PIK3R1: variants seen among roughly 807,000 people sequenced by gnomAD.
PIK3R1 encodes the protein phosphatidylinositol 3-kinase regulatory subunit alpha.
PIK3R1 carries 29 observed loss-of-function variants against 98.0 expected under a neutral mutation model. The observed-to-expected ratio is 0.30, with a 90% CI of 0.22 to 0.40. The LOEUF (loss-of-function observed/expected upper bound fraction) is 0.40. Among genes scored for constraint, PIK3R1 ranks in the 10% least tolerant of loss-of-function variants. PIK3R1 has a pLI of 1.00. For missense variants in PIK3R1, 596 were observed against 872.7 expected, an observed-to-expected ratio of 0.68 and a Z score of 3.99; for synonymous variants, 282 against 311.8, an observed-to-expected ratio of 0.90 and a Z score of 1.01.
chr5:68,286,718 A>T (rs1207607013), intron 7 of PIK3R1, among the ~76,000 whole-genome samples: 1 of 152,234 alleles, frequency 6.6e-6, no homozygotes, highest in East Asian at 1.9e-4. Context: ...ACTGCTTTCC[A>T]GTGGCTTATT....
intron 2 of PIK3R1, among the ~76,000 whole-genome samples, chr5:68,257,542 T>G (rs1745567982): frequency 6.6e-6 from 1 of 152,204 alleles, no homozygotes; most frequent in African/African-American, 2.4e-5. Context: ...CACTTTGAAT[T>G]TATTATGTTC....
intron 2 of PIK3R1, among the ~76,000 whole-genome samples, chr5:68,242,741 A>G (rs1744915864): frequency 6.6e-6 from 1 of 152,176 alleles, no homozygotes; most frequent in Non-Finnish European, 1.5e-5. Flanking sequence ...GGATTTCTTA[A>G]TTCTAGAGGC....
intron 2 of PIK3R1, among the ~76,000 whole-genome samples, chr5:68,227,955 C>G (rs1032585729): frequency 6.6e-6 from 1 of 152,354 alleles, no homozygotes; most frequent in Middle Eastern, 3.4e-3. Flanking sequence ...ATCTTCTGTT[C>G]GGTTTCACAC....
At position 68,273,961 on chromosome 5, in the gene PIK3R1, C is replaced by T. The variant is rs1339790364; in HGVS notation, c.450C>T (p.Tyr150=). 6 of 1,613,762 alleles carry T rather than the reference C, an allele frequency of 3.7e-6. No homozygotes were observed. The highest frequency in any genetic ancestry group is 8.5e-7 in the Non-Finnish European group (1 of 1,179,798). Residue 150 remains tyrosine (Y), a synonymous_variant, in exon 4 of 16, where the codon TAC becomes TAT. Transcript: ENST00000521381. ...TAGGTCTGGAATGTTCAACTCTATA[C>T]AGAACACAGAGCTCCAGCAACCTGG... ...EKKGLECSTL[Y]RTQSSSNLAE...
chr5:68,258,007 G>T (rs1255901018), intron 2 of PIK3R1, among the ~76,000 whole-genome samples: 3 of 152,152 alleles, frequency 2.0e-5, no homozygotes, highest in African/African-American at 7.2e-5. Context: ...TTCCCTTGGG[G>T]ATCCAAACTG....
rs1489888211 is a variant in PIK3R1, at chr5:68,300,387, A to G, written c.*2786A>G. 1 of 232,870 alleles carries G rather than the reference A, an allele frequency of 4.3e-6. No individual in the cohort carries two copies. The highest frequency in any genetic ancestry group is 8.5e-6 in the Non-Finnish European group (1 of 117,888). 14.4% of individuals were successfully genotyped at this position (232,870 alleles called of 1,614,324 possible). ...AACAATATTGTCTGAACGGCTGAAT[A>G]TGAATAGATACAGCAGAGGCACTCC... is the stretch of plus-strand genomic sequence containing the variant. On this transcript the variant is annotated 3_prime_UTR_variant, in exon 16 of 16. Transcript: ENST00000521381.
chr5:68,251,863 T>C (rs1023807622), intron 2 of PIK3R1, among the ~76,000 whole-genome samples: 11 of 152,106 alleles, frequency 7.2e-5, no homozygotes, highest in African/African-American at 2.7e-4. Context: ...TCAGGAGTTG[T>C]GTAGGGCCCT....
At chr5:68,295,644 TA>T (rs1561300325) in intron 14 of PIK3R1, 156 bp downstream of exon 14, 1 of 663,942 alleles carries the variant, frequency 1.5e-6, no homozygotes, top group Non-Finnish European at 2.6e-6. Context: ...TCCAGAATTT[TA>T]AAAAAAGAAA....
chr5:68,276,040 T>G (rs1010793), intron 4 of PIK3R1, among the ~76,000 whole-genome samples: 75,716 of 152,108 alleles, frequency 0.5, 21,158 homozygotes, highest in African/African-American at 0.77. Flanking sequence ...TTCAGTGCCT[T>G]AGTGGCTAAT....
Position 68,255,902 on chromosome 5 carries a change from C to T in PIK3R1, c.335-17488C>T, listed in dbSNP as rs1215115071. 3.9e-5 allele frequency among the ~76,000 whole-genome samples: 6 copies of T among 152,354 alleles called. No homozygotes were observed. In the East Asian group the frequency reaches 7.7e-4, roughly 20 times the overall value. On this transcript the variant is annotated intron_variant, in intron 2 of 15. Coordinates refer to ENST00000521381, the MANE Select transcript of PIK3R1 (RefSeq NM_181523.3). ...AAAATGCTGATAATATCTTCAAAAA[C>T]CACAGAGCCATGGGCCTTGCAGGCT...
chr5:68,277,816 TCAC>T (rs1307302043), intron 4 of PIK3R1, among the ~76,000 whole-genome samples: 1 of 152,186 alleles, frequency 6.6e-6, no homozygotes, highest in African/African-American at 2.4e-5. Flanking sequence ...CAGACCCCCA[TCAC>T]CTTGATTCAG....
chr5:68,221,459 C>G (rs879876623), intron 1 of PIK3R1, among the ~76,000 whole-genome samples: 2 of 152,220 alleles, frequency 1.3e-5, no homozygotes, highest in Admixed American at 1.3e-4. Context: ...CCCTTCCATA[C>G]CCTCCTGCCT....
At chr5:68,250,299 G>A (rs561477170) in intron 2 of PIK3R1, among the ~76,000 whole-genome samples, 142 of 152,320 alleles carry the variant, frequency 9.3e-4, no homozygotes, top group Middle Eastern at 3.4e-3. Flanking sequence ...GCCCCAGCAT[G>A]GGAAGGCAGT....
At chr5:68,236,888 AGACGGATAAG>A (rs1274154429) in intron 2 of PIK3R1, among the ~76,000 whole-genome samples, 2 of 152,386 alleles carry the variant, frequency 1.3e-5, no homozygotes, top group Admixed American at 6.5e-5. Context: ...AATTACAAAG[AGACGGATAAG>A]GCCATGAAGC....
chr5:68,253,326 C>G (rs1745388438), intron 2 of PIK3R1, among the ~76,000 whole-genome samples: 1 of 152,188 alleles, frequency 6.6e-6, no homozygotes, highest in South Asian at 2.1e-4. Context: ...AGGATTCAAG[C>G]TGGACTTGGA....
intron 1 of PIK3R1, among the ~76,000 whole-genome samples, chr5:68,224,850 C>G (rs1292411707): frequency 6.6e-6 from 1 of 152,188 alleles, no homozygotes. Flanking sequence ...GACTTAGTAA[C>G]TCTCTAATTC....
chr5:68,292,986 T>G (rs1643556), intron 8 of PIK3R1, 115 bp from the exon 9 acceptor site: 7 of 833,346 alleles, frequency 8.4e-6, no homozygotes, highest in Non-Finnish European at 1.3e-5. Flanking sequence ...CACTGTACTT[T>G]CCACTTGATT....
At position 68,293,387 on chromosome 5, in the gene PIK3R1, G is replaced by C. The variant is rs200107048; in HGVS notation, c.1203G>C (p.Val401=). The C allele has an allele frequency of 6.2e-7, 1 of 1,613,310 alleles. No homozygotes were observed. Among genetic ancestry groups the C allele is most frequent in the South Asian group, 1.1e-5 (1 of 91,056 alleles). The stretch of plus-strand genomic sequence containing the variant: ...CTGACCCATTAACCTTCAGTTCTGT[G>C]GTTGAATTAATAAACCACTACCGGA... ...GFSDPLTFSS[V]VELINHYRNE... The change falls in exon 10 of 16, where the codon GTG becomes GTC. Residue 401 remains valine, a synonymous_variant. Transcript: ENST00000521381.
chr5:68,263,460 G>T (rs1474593338), intron 2 of PIK3R1, among the ~76,000 whole-genome samples: 1 of 151,760 alleles, frequency 6.6e-6, no homozygotes, highest in Non-Finnish European at 1.5e-5. Flanking sequence ...ATAACCAGAA[G>T]AAGCCCATTA....
Sources: gnomAD v4.1 joint callset for allele counts (sites outside exome capture counted in the v4.1 genomes callset) on GRCh38, gnomAD v4.1.1 for gene constraint, MANE v1.5 for transcripts, NCBI Gene and HGNC (gene_info 2026-07-23, HGNC 2026-07-21) for gene names.